Variants in AK8 observed in about 807,000 individuals in gnomAD.
The protein encoded by AK8 is adenylate kinase 8, also known as ATP-AMP transphosphorylase 8.
Under a neutral mutation model 54.6 loss-of-function variants are expected in AK8, and 44 were observed. That is an observed-to-expected ratio of 0.81 (90% CI 0.63 to 1.04). The LOEUF (loss-of-function observed/expected upper bound fraction) is 1.04, where lower values mean the gene tolerates loss of function less well. Ranked by LOEUF, AK8 falls within the 50% of genes least tolerant of loss-of-function variation. AK8 has a pLI of 0.00. For synonymous variants in AK8, 239 were observed against 245.6 expected, an observed-to-expected ratio of 0.97 and a Z score of 0.25; for missense variants, 555 against 613.6, an observed-to-expected ratio of 0.90 and a Z score of 1.01.
chr9:132,821,719 GTATATA>G, intron 9 of AK8, among the ~76,000 whole-genome samples: 1 of 128,478 alleles, frequency 7.8e-6, no homozygotes, highest in African/African-American at 2.8e-5. Flanking sequence ...ACATTTGTAT[GTATATA>G]CATATATGTA....
At chr9:132,831,583 G>C (rs1842103441) in intron 5 of AK8, among the ~76,000 whole-genome samples, 1 of 152,150 alleles carries the variant, frequency 6.6e-6, no homozygotes, top group Admixed American at 6.5e-5. Flanking sequence ...GGGAGTCAAC[G>C]CTGGGAGCCC....
intron 11 of AK8, among the ~76,000 whole-genome samples, chr9:132,755,500 C>G (rs1276026362): frequency 1.3e-5 from 2 of 152,210 alleles, no homozygotes; most frequent in Non-Finnish European, 2.9e-5. Flanking sequence ...GGGAGAGGGA[C>G]CATGGAGGGC....
chr9:132,741,665 A>G (rs1023187567), intron 11 of AK8, among the ~76,000 whole-genome samples: 3 of 152,140 alleles, frequency 2.0e-5, no homozygotes, highest in Non-Finnish European at 4.4e-5. Flanking sequence ...TGACATCTTT[A>G]CTGAGCTATA....
intron 8 of AK8, 70 bp from the exon 9 acceptor site, chr9:132,823,406 T>A (rs1432432073): frequency 6.3e-7 from 1 of 1,593,454 alleles, no homozygotes; most frequent in Non-Finnish European, 8.6e-7. Flanking sequence ...GCAGCCCCTC[T>A]GCTTTGACTC....
intron 10 of AK8, among the ~76,000 whole-genome samples, chr9:132,805,003 TG>T (rs1182591350): frequency 6.6e-6 from 1 of 151,936 alleles, no homozygotes; most frequent in Non-Finnish European, 1.5e-5. Flanking sequence ...CACCTGCCGT[TG>T]GGGGGTCTGT....
At position 132,739,441 on chromosome 9, in the gene AK8, C is replaced by CAAAAAA. The variant is rs768297504; in HGVS notation, c.1122-11913_1122-11908dup. 4.8e-4 allele frequency among the ~76,000 whole-genome samples: 15 copies of CAAAAAA among 31,170 alleles called. 4 individuals are homozygous for CAAAAAA. The highest frequency in any genetic ancestry group is 3.4e-3 in the South Asian group (2 of 596). The allele number at this position is 31,170 out of a possible 152,430, so 20.4% of individuals were successfully genotyped here. ...TGGGCAACAGAGAGTGACTCTGTCTCAAAAAAAAAAAAAAAAAAAAAAAAA... is the reference window on the plus strand; with the variant it reads ...TGGGCAACAGAGAGTGACTCTGTCTCAAAAAAAAAAAAAAAAAAAAAAAAAAAAAAA... On this transcript the variant is annotated intron_variant, in intron 11 of 12. Coordinates refer to ENST00000298545, the MANE Select transcript of AK8 (RefSeq NM_152572.3).
chr9:132,805,414 AC>A (rs1164937061), intron 10 of AK8, among the ~76,000 whole-genome samples: 1 of 152,006 alleles, frequency 6.6e-6, no homozygotes, highest in Non-Finnish European at 1.5e-5. Flanking sequence ...GGCCAGACCT[AC>A]CCCCCTCCGG....
chr9:132,756,843 G>A (rs1430179420), intron 11 of AK8, among the ~76,000 whole-genome samples: 1 of 152,018 alleles, frequency 6.6e-6, no homozygotes, highest in Non-Finnish European at 1.5e-5. Context: ...GTCATTATCA[G>A]CCCTACATCT....
chr9:132,798,280 T>C (rs761442410), intron 10 of AK8, among the ~76,000 whole-genome samples: 1 of 152,188 alleles, frequency 6.6e-6, no homozygotes. Flanking sequence ...CCAGCCTCTC[T>C]GAGGCTCGGT....
At chr9:132,800,959 C>T (rs942522267) in intron 10 of AK8, among the ~76,000 whole-genome samples, 7 of 141,378 alleles carry the variant, frequency 5.0e-5, no homozygotes, top group Admixed American at 7.6e-5. Flanking sequence ...TAGTCTCGCT[C>T]TGTCGCCCAG....
intron 11 of AK8, among the ~76,000 whole-genome samples, chr9:132,784,747 A>T (rs1037036731): frequency 7.9e-5 from 12 of 152,338 alleles, no homozygotes; most frequent in Non-Finnish European, 1.5e-4. Context: ...GCAAAAATTC[A>T]GGAAGTTTAG....
chr9:132,797,305 G>A (rs1331350805), intron 10 of AK8, among the ~76,000 whole-genome samples: 1 of 151,978 alleles, frequency 6.6e-6, no homozygotes, highest in Non-Finnish European at 1.5e-5. Flanking sequence ...ACGAAGGAAG[G>A]AAGGAAGGGA....
chr9:132,856,050 C>T (rs755782986), intron 4 of AK8, among the ~76,000 whole-genome samples: 2 of 152,220 alleles, frequency 1.3e-5, no homozygotes, highest in South Asian at 4.1e-4. Flanking sequence ...TCCGCACTCT[C>T]CCTTCTCTGC....
At chr9:132,812,652 T>A (rs1264336173) in intron 10 of AK8, among the ~76,000 whole-genome samples, 1 of 141,184 alleles carries the variant, frequency 7.1e-6, no homozygotes, top group Non-Finnish European at 1.6e-5. Flanking sequence ...AGGACGACCT[T>A]GCAGGAAGGG....
At chr9:132,841,215 T>C (rs214627) in intron 5 of AK8, among the ~76,000 whole-genome samples, 34,313 of 152,122 alleles carry the variant, frequency 0.23, 4,175 homozygotes, top group East Asian at 0.44. Flanking sequence ...CACCAGTCCC[T>C]GTCTGAGTGT....
chr9:132,820,028 A>C (rs1841510315), intron 9 of AK8, among the ~76,000 whole-genome samples: 1 of 151,308 alleles, frequency 6.6e-6, no homozygotes, highest in South Asian at 2.1e-4. Context: ...GGTGGCATAC[A>C]CCTGTAGTCC....
upstream of AK8, chr9:132,878,829 T>A: frequency 1.0e-6 from 1 of 952,892 alleles, no homozygotes; most frequent in Non-Finnish European, 1.2e-6. This position sits in a 1 kb window ranked among gnomAD's most constrained non-coding sequence, Gnocchi z 4.7. Context: ...GTGACCCGAT[T>A]GCTATGGCAC....
chr9:132,754,869 G>T (rs1433662708), intron 11 of AK8, among the ~76,000 whole-genome samples: 1 of 143,398 alleles, frequency 7.0e-6, no homozygotes, highest in Non-Finnish European at 1.5e-5. Flanking sequence ...GTGCAATCTT[G>T]GCTCATTGCA....
chr9:132,730,451 T>A (rs1168797689), intron 11 of AK8, among the ~76,000 whole-genome samples: 2 of 151,458 alleles, frequency 1.3e-5, no homozygotes, highest in African/African-American at 4.9e-5. Context: ...TTTTTTTTTT[T>A]TCCATCCTTG....
Sources: allele counts gnomAD v4.1 joint callset (sites outside exome capture counted in the v4.1 genomes callset), GRCh38; gene constraint gnomAD v4.1.1; non-coding constraint Gnocchi (gnomAD v3.1); transcripts MANE v1.5; gene names NCBI Gene and HGNC (gene_info 2026-07-23, HGNC 2026-07-21).